CFAP299: variants seen among roughly 807,000 people sequenced by gnomAD.
CFAP299 encodes the protein cilia- and flagella-associated protein 299.
Under a neutral mutation model 27.0 loss-of-function variants are expected in CFAP299, and 21 were observed. The ratio of observed to expected loss-of-function variants is 0.78; its 90% CI spans 0.55 to 1.12. CFAP299 has a LOEUF of 1.12. Among genes scored for constraint, CFAP299 ranks in the 50% most tolerant of loss-of-function variants. The pLI, the probability that CFAP299 is intolerant of heterozygous loss-of-function variation, is 0.00. For synonymous variants in CFAP299, 104 were observed against 98.1 expected, an observed-to-expected ratio of 1.06 and a Z score of -0.36; for missense variants, 310 against 276.6, an observed-to-expected ratio of 1.12 and a Z score of -0.86.
chr4:80,505,571 C>G (rs1408915077), intron 2 of CFAP299, among the ~76,000 whole-genome samples: 1 of 143,238 alleles, frequency 7.0e-6, no homozygotes, highest in African/African-American at 2.7e-5. Flanking sequence ...TTCAACCACC[C>G]TGTATTTTTT....
chr4:80,916,744 G>A (rs543682154), intron 4 of CFAP299, among the ~76,000 whole-genome samples: 6 of 151,974 alleles, frequency 3.9e-5, no homozygotes, highest in African/African-American at 7.2e-5. Flanking sequence ...GTAAGTAAGA[G>A]AATATGAATT....
chr4:80,647,561 G>A (rs1740086713), intron 3 of CFAP299, among the ~76,000 whole-genome samples: 1 of 152,168 alleles, frequency 6.6e-6, no homozygotes, highest in Non-Finnish European at 1.5e-5. Flanking sequence ...CCCACCGACT[G>A]TGCCCACACT....
intron 1 of CFAP299, among the ~76,000 whole-genome samples, chr4:80,343,560 C>T (rs939146890): frequency 4.6e-5 from 7 of 152,052 alleles, no homozygotes; most frequent in Admixed American, 2.0e-4. Context: ...GAGGCCGAGG[C>T]GGGTGGATCA....
the CFAP299 span, among the ~76,000 whole-genome samples, chr4:80,326,668 C>G: frequency 2.0e-5 from 3 of 152,074 alleles, no homozygotes; most frequent in Non-Finnish European, 4.4e-5. Flanking sequence ...GCACTAAGTG[C>G]TTTGTTATGG....
chr4:80,657,033 A>T (rs10023831), intron 3 of CFAP299, among the ~76,000 whole-genome samples: 1 of 151,844 alleles, frequency 6.6e-6, no homozygotes, highest in Admixed American at 6.6e-5. Flanking sequence ...TCTTTTGAGA[A>T]GTGTCTGTTC....
chr4:80,597,719 G>C (rs1175119193), intron 3 of CFAP299, among the ~76,000 whole-genome samples: 1 of 151,578 alleles, frequency 6.6e-6, no homozygotes, highest in Non-Finnish European at 1.5e-5. Context: ...ATGGAGTATT[G>C]CTCTGTCACC....
chr4:80,900,123 AGTGT>A (rs3038537), intron 4 of CFAP299, among the ~76,000 whole-genome samples: 1,466 of 139,886 alleles, frequency 0.01, 6 homozygotes, highest in Middle Eastern at 0.041. Flanking sequence ...AGTGGAAGAA[AGTGT>A]GTGTGTGTGT....
intron 2 of CFAP299, among the ~76,000 whole-genome samples, chr4:80,381,966 A>G (rs945365251): frequency 1.3e-5 from 2 of 152,336 alleles, no homozygotes; most frequent in East Asian, 3.9e-4. Flanking sequence ...GCAATTAACA[A>G]GGGAAATGTG....
intron 3 of CFAP299, among the ~76,000 whole-genome samples, chr4:80,811,951 T>A (rs956511739): frequency 6.6e-6 from 1 of 151,782 alleles, no homozygotes; most frequent in Non-Finnish European, 1.5e-5. Flanking sequence ...TAAAGAGATA[T>A]AAGCTTGAGG....
At chr4:80,642,772 A>C (rs1330875753) in intron 3 of CFAP299, among the ~76,000 whole-genome samples, 1 of 152,176 alleles carries the variant, frequency 6.6e-6, no homozygotes, top group African/African-American at 2.4e-5. Flanking sequence ...CAAAAAGAAT[A>C]AAAAAAGTAA....
chr4:80,919,804 T>A (rs1023301632), intron 4 of CFAP299, among the ~76,000 whole-genome samples: 26 of 151,938 alleles, frequency 1.7e-4, no homozygotes, highest in African/African-American at 6.0e-4. Context: ...GAGCACTAAT[T>A]TTTTTTTACA....
chr4:80,689,830 A>G (rs1452059511), intron 3 of CFAP299, among the ~76,000 whole-genome samples: 1 of 152,224 alleles, frequency 6.6e-6, no homozygotes, highest in African/African-American at 2.4e-5. Flanking sequence ...TAGGCTCAAA[A>G]TAAAAGGATG....
intron 2 of CFAP299, among the ~76,000 whole-genome samples, chr4:80,394,707 G>A (rs1371128607): frequency 6.6e-6 from 1 of 151,972 alleles, no homozygotes. Context: ...TGTGTTCTTG[G>A]CACTTTCTGC....
chr4:80,738,596 C>T (rs1055630722), intron 3 of CFAP299, among the ~76,000 whole-genome samples: 1 of 151,038 alleles, frequency 6.6e-6, no homozygotes, highest in Non-Finnish European at 1.5e-5. Flanking sequence ...TTTTTTAGAT[C>T]CCTTGTTTTC....
chr4:80,471,691 G>T (rs978932427), intron 2 of CFAP299, among the ~76,000 whole-genome samples: 1 of 152,028 alleles, frequency 6.6e-6, no homozygotes, highest in Non-Finnish European at 1.5e-5. Context: ...AGGTTCAGGT[G>T]TGCCTTGTGA....
At chr4:80,750,311 C>G (rs1026649068) in intron 3 of CFAP299, among the ~76,000 whole-genome samples, 6 of 152,050 alleles carry the variant, frequency 3.9e-5, no homozygotes, top group Non-Finnish European at 8.8e-5. Context: ...TAAGAAACTT[C>G]TACTTTTAAT....
At chr4:80,646,336 T>C (rs1305229005) in intron 3 of CFAP299, among the ~76,000 whole-genome samples, 1 of 152,184 alleles carries the variant, frequency 6.6e-6, no homozygotes, top group Non-Finnish European at 1.5e-5. Flanking sequence ...TTGCTGTGGC[T>C]TTACTCTCAC....
At chr4:80,442,236 C>G (rs993978757) in intron 2 of CFAP299, among the ~76,000 whole-genome samples, 1 of 152,098 alleles carries the variant, frequency 6.6e-6, no homozygotes, top group Non-Finnish European at 1.5e-5. Flanking sequence ...AATTATCCAC[C>G]CCAAATCAAC....
chr4:80,849,899 T>A (rs1418632316), intron 3 of CFAP299, among the ~76,000 whole-genome samples: 3 of 152,100 alleles, frequency 2.0e-5, no homozygotes, highest in Non-Finnish European at 4.4e-5. Context: ...ATGAGAAATG[T>A]TTGAGGTGAT....
Sources: allele counts gnomAD v4.1 joint callset (sites outside exome capture counted in the v4.1 genomes callset), GRCh38; gene constraint gnomAD v4.1.1; transcripts MANE v1.5; gene names NCBI Gene and HGNC (gene_info 2026-07-23, HGNC 2026-07-21).